The following ZNF831 variants were observed in gnomAD, a reference collection of about 807,000 sequenced individuals.
ZNF831 encodes the protein zinc finger protein 831.
A neutral mutation model predicts 95.8 loss-of-function variants in ZNF831; 59 were observed. The observed-to-expected ratio is 0.62, with a 90% CI of 0.50 to 0.77. The LOEUF (loss-of-function observed/expected upper bound fraction) is 0.77, where lower values mean the gene tolerates loss of function less well. Among genes scored for constraint, ZNF831 ranks in the 30% least tolerant of loss-of-function variants. ZNF831 has a pLI of 0.00. For synonymous variants in ZNF831, 961 were observed against 925.5 expected (o/e 1.04, Z -0.70); for missense variants, 2,205 against 2,164.0 (o/e 1.02, Z -0.38).
At chr20:59,243,422 G>C (rs997022391) in intron 4 of ZNF831, among the ~76,000 whole-genome samples, 33 of 152,352 alleles carry the variant, frequency 2.2e-4, no homozygotes, top group African/African-American at 7.7e-4. Flanking sequence ...CTGAAATCAA[G>C]TAGATGAGAG....
chr20:59,191,848 G>C lies in ZNF831; in HGVS notation c.829G>C (p.Glu277Gln), dbSNP rs2146554972. The change falls in exon 2 of 6, where the codon GAG (glutamate) becomes CAG (glutamine). Residue 277 changes from glutamate (E) to glutamine (Q), a missense_variant. By Grantham distance (29) the Glu-to-Gln change is conservative (BLOSUM62 2). Coordinates refer to ENST00000371030, the MANE Select transcript of ZNF831 (RefSeq NM_178457.3). ...PCPGSAFADREAPWDSAPMAS... is the reference protein window; with the variant it reads ...PCPGSAFADRQAPWDSAPMAS... ...TCCAGGGTCCGCATTTGCCGACAGA[G>C]AGGCTCCTTGGGACTCTGCCCCCAT... The C allele has an allele frequency of 1.2e-6, 2 of 1,613,384 alleles. No individual in the cohort carries two copies. The highest frequency in any genetic ancestry group is 1.7e-6 in the Non-Finnish European group (2 of 1,179,982).
intron 1 of ZNF831, among the ~76,000 whole-genome samples, chr20:59,170,308 A>G (rs898089706): frequency 1.3e-5 from 2 of 152,150 alleles, no homozygotes; most frequent in African/African-American, 4.8e-5. Context: ...TGCTTTAGCT[A>G]TGTGCCACAA....
chr20:59,129,385 GGGAGGC>G (rs1979279214), intron 1 of ZNF831, among the ~76,000 whole-genome samples: 1 of 152,150 alleles, frequency 6.6e-6, no homozygotes, highest in Non-Finnish European at 1.5e-5. Flanking sequence ...CCAGCACTTT[GGGAGGC>G]TGAGGCGGGT....
intron 2 of ZNF831, among the ~76,000 whole-genome samples, chr20:59,150,697 G>A (rs980208729): frequency 3.9e-5 from 6 of 152,244 alleles, no homozygotes; most frequent in African/African-American, 7.2e-5. Context: ...AGTACTCCGC[G>A]CCAGCACACG....
chr20:59,203,229 T>C (rs965398470), intron 3 of ZNF831, among the ~76,000 whole-genome samples: 3 of 152,252 alleles, frequency 2.0e-5, no homozygotes, highest in East Asian at 3.8e-4. Context: ...TATTTTTATT[T>C]TTGTTTATAA....
rs1201410520 is a variant in ZNF831, at chr20:59,193,171, G to A, written c.2152G>A (p.Gly718Arg). 1 of 1,575,616 alleles carries A rather than the reference G, an allele frequency of 6.3e-7. No homozygotes were observed. Among genetic ancestry groups the A allele is most frequent in the African/African-American group, 1.4e-5 (1 of 73,960 alleles). ...TKHGETVARRGDSDRPRVEEA... is the reference protein window; with the variant it reads ...TKHGETVARRRDSDRPRVEEA... The stretch of plus-strand genomic sequence containing the variant: ...GCATGGGGAGACGGTGGCCAGGAGA[G>A]GAGACAGTGACCGACCCAGGGTGGA... The change falls in exon 2 of 6, where the codon GGA becomes AGA. Residue 718 changes from glycine (G) to arginine (R), a missense_variant. Physicochemically the swap from Gly to Arg is moderately radical, Grantham distance 125 (BLOSUM62 -2). Transcript: ENST00000371030.
rs1418218677 is a variant in ZNF831 at position 59,258,594 on chromosome 20, T to A, written c.*3851T>A. The A allele has an allele frequency of 1.3e-5, 2 of 152,566 alleles. No homozygotes were observed. The highest frequency in any genetic ancestry group is 2.9e-5 in the Non-Finnish European group (2 of 68,024). The allele number at this position is 152,566 out of a possible 1,614,324, so 9.5% of individuals were successfully genotyped here. The stretch of plus-strand genomic sequence containing the variant: ...ATGACCTGCCTGGCTCTATGGGTGA[T>A]CATATTTCTACTGCTGCAGCAAGCT... On this transcript the variant is annotated 3_prime_UTR_variant, in exon 6 of 6. Coordinates refer to ENST00000371030, the MANE Select transcript of ZNF831 (RefSeq NM_178457.3).
chr20:59,139,843 A>G (rs997379652), intron 1 of ZNF831, among the ~76,000 whole-genome samples: 4 of 152,218 alleles, frequency 2.6e-5, no homozygotes, highest in African/African-American at 9.6e-5. Flanking sequence ...ACAGAGGATG[A>G]TAGAGCATGG....
At chr20:59,252,274 C>T (rs958059649) in intron 4 of ZNF831, among the ~76,000 whole-genome samples, 3 of 152,160 alleles carry the variant, frequency 2.0e-5, no homozygotes, top group African/African-American at 7.2e-5. Flanking sequence ...AAAAGTGGGT[C>T]TAGTGCTTCT....
At chr20:59,196,187 T>C (rs1027174729) in intron 3 of ZNF831, among the ~76,000 whole-genome samples, 182 bp downstream of exon 3, 2 of 152,216 alleles carry the variant, frequency 1.3e-5, no homozygotes, top group Admixed American at 6.5e-5. Flanking sequence ...TATTTTTTGA[T>C]GGCACCTTTC....
intron 4 of ZNF831, among the ~76,000 whole-genome samples, chr20:59,244,889 A>G (rs988553793): frequency 6.6e-6 from 1 of 152,084 alleles, no homozygotes; most frequent in Non-Finnish European, 1.5e-5. Flanking sequence ...GTTTATGTTG[A>G]TGCCTATTGT....
chr20:59,244,530 C>T (rs1003584402), intron 4 of ZNF831, among the ~76,000 whole-genome samples: 16 of 152,158 alleles, frequency 1.1e-4, no homozygotes, highest in African/African-American at 3.9e-4. Flanking sequence ...TTCTTTCCAA[C>T]TGATAACGCA....
rs78886541 is a variant in ZNF831, at chr20:59,248,183, G to A, written c.4028-4795G>A. 1.3e-3 allele frequency among the ~76,000 whole-genome samples: 198 copies of A among 152,348 alleles called. 1 individual carries two copies. Among genetic ancestry groups the A allele is most frequent in the African/African-American group, 4.5e-3 (189 of 41,580 alleles). Reference sequence around the variant, plus strand: ...TCTCTAATAAGAGTCCCATAATTGTGTAAGAGCGATCGAATTTCTGAAGAT... The same window carrying A: ...TCTCTAATAAGAGTCCCATAATTGTATAAGAGCGATCGAATTTCTGAAGAT... On this transcript the variant is annotated intron_variant, in intron 4 of 5. Transcript: ENST00000371030.
intron 1 of ZNF831, among the ~76,000 whole-genome samples, chr20:59,139,282 A>G (rs747047149): frequency 1.3e-5 from 2 of 151,864 alleles, no homozygotes; most frequent in South Asian, 2.1e-4. Flanking sequence ...TTAATCATTT[A>G]CCTGTTGAAG....
intron 5 of ZNF831, 34 bp downstream of exon 5, chr20:59,253,172 T>C (rs778382424): frequency 1.9e-6 from 3 of 1,611,556 alleles, no homozygotes; most frequent in East Asian, 4.5e-5. Flanking sequence ...CCTCTACCTA[T>C]TCCTGGTCTA....
intron 4 of ZNF831, among the ~76,000 whole-genome samples, chr20:59,211,065 A>AAAAAAAAAAACAAAAAAAAAAC (rs753979009): frequency 5.2e-5 from 4 of 77,548 alleles, no homozygotes; most frequent in African/African-American, 3.2e-4. Context: ...AAAAAAAAAA[A>AAAAAAAAAAACAAAAAAAAAAC]CAAATCCAAG....
chr20:59,186,568 C>A (rs1304806735), intron 1 of ZNF831, among the ~76,000 whole-genome samples: 1 of 152,152 alleles, frequency 6.6e-6, no homozygotes, highest in Non-Finnish European at 1.5e-5. Context: ...TCAGGGCCAC[C>A]CTCTAGCAAG....
intron 2 of ZNF831, among the ~76,000 whole-genome samples, chr20:59,150,313 T>C (rs1359099011): frequency 6.6e-6 from 1 of 152,108 alleles, no homozygotes; most frequent in Admixed American, 6.6e-5. Flanking sequence ...AGGTAAAAAC[T>C]GTGAGAAAAC....
intron 1 of ZNF831, among the ~76,000 whole-genome samples, chr20:59,140,069 T>C (rs865774568): frequency 1.3e-5 from 2 of 152,230 alleles, no homozygotes; most frequent in Non-Finnish European, 2.9e-5. Flanking sequence ...AAGAATGCAT[T>C]GTGTCATGGT....
Sources: allele counts gnomAD v4.1 joint callset (sites outside exome capture counted in the v4.1 genomes callset), GRCh38; gene constraint gnomAD v4.1.1; transcripts MANE v1.5; gene names NCBI Gene and HGNC (gene_info 2026-07-23, HGNC 2026-07-21).